CHST3: variants seen among roughly 807,000 people sequenced by gnomAD.
The protein encoded by CHST3 is carbohydrate sulfotransferase 3, also known as C6ST-1.
Under a neutral mutation model 35.4 loss-of-function variants are expected in CHST3, and 20 were observed. That is an observed-to-expected ratio of 0.57 (90% CI 0.40 to 0.82). The LOEUF (loss-of-function observed/expected upper bound fraction) is 0.82, where lower values mean the gene tolerates loss of function less well. Ranked by LOEUF, CHST3 falls within the 40% of genes least tolerant of loss-of-function variation. The pLI, the probability that CHST3 is intolerant of heterozygous loss-of-function variation, is 0.00. For synonymous variants in CHST3, 334 were observed against 295.9 expected (o/e 1.13, Z -1.32); for missense variants, 693 against 670.1 (o/e 1.03, Z -0.38).
chr10:71,971,690 G>A (rs140562310), intron 1 of CHST3, among the ~76,000 whole-genome samples: 189 of 152,278 alleles, frequency 1.2e-3, no homozygotes, highest in Middle Eastern at 6.8e-3. Flanking sequence ...CCCCGTCCCC[G>A]CACTGTGACT....
intron 1 of CHST3, among the ~76,000 whole-genome samples, chr10:71,973,210 G>A (rs961778275): frequency 1.3e-5 from 2 of 152,174 alleles, no homozygotes; most frequent in East Asian, 3.9e-4. Flanking sequence ...GTGGGACCCC[G>A]GCACATGGCC....
intron 1 of CHST3, among the ~76,000 whole-genome samples, chr10:71,994,279 A>T (rs1194078810): frequency 2.6e-5 from 4 of 152,114 alleles, no homozygotes; most frequent in African/African-American, 4.8e-5. Context: ...AAAAAAAAAA[A>T]AATTAATTAA....
At chr10:71,980,105 A>C (rs749565854) in intron 1 of CHST3, among the ~76,000 whole-genome samples, 64 of 152,238 alleles carry the variant, frequency 4.2e-4, no homozygotes, top group Non-Finnish European at 8.8e-4. Context: ...GACAAATTAC[A>C]GAAAAGGAGC....
chr10:71,968,074 G>C (rs1003857293), intron 1 of CHST3, among the ~76,000 whole-genome samples: 1 of 150,178 alleles, frequency 6.7e-6, no homozygotes, highest in African/African-American at 2.4e-5. Flanking sequence ...CCTCAGCCCC[G>C]CAAAATGCTG....
intron 2 of CHST3, among the ~76,000 whole-genome samples, chr10:72,006,754 C>T (rs1202957484): frequency 6.6e-6 from 1 of 152,188 alleles, no homozygotes. Flanking sequence ...GTCAATCCCC[C>T]CCCTTGGGTC....
At chr10:71,966,618 G>C (rs1351023212) in intron 1 of CHST3, among the ~76,000 whole-genome samples, 1 of 152,208 alleles carries the variant, frequency 6.6e-6, no homozygotes, top group Non-Finnish European at 1.5e-5. Context: ...TGAAAGAGGA[G>C]GTGATCTGGG....
Position 72,007,735 on chromosome 10 carries a change from C to A in CHST3, c.704C>A (p.Thr235Lys). Residue 235 changes from threonine to lysine, a missense_variant, in exon 3 of 3, where the codon ACG (threonine) becomes AAG (lysine). Physicochemically the swap from Thr to Lys is moderately conservative, Grantham distance 78. Coordinates refer to ENST00000373115, the MANE Select transcript of CHST3 (RefSeq NM_004273.5). ...TCCCTGTGCGAGGACCCCGTCTGTA[C>A]GCCCTTCGTCAAGAAGGTCTTCGAG... ...SRSLCEDPVC[T>K]PFVKKVFEKY... 1 of 1,603,476 alleles carries A rather than the reference C, an allele frequency of 6.2e-7. No individual in the cohort carries two copies.
chr10:71,991,826 C>T (rs937066274), intron 1 of CHST3, among the ~76,000 whole-genome samples: 1 of 151,766 alleles, frequency 6.6e-6, no homozygotes, highest in Non-Finnish European at 1.5e-5. Flanking sequence ...CCCAGCTACT[C>T]GGGAGGCTGA....
In CHST3 at chr10:72,011,063, C is replaced by T. The variant is rs886047176; in HGVS notation, c.*2592C>T. On this transcript the variant is annotated 3_prime_UTR_variant, in exon 3 of 3. Coordinates refer to ENST00000373115, the MANE Select transcript of CHST3 (RefSeq NM_004273.5). ...GAAGAGACAGAAAATACCTTATTAT[C>T]TGCAGGGACTCAAAGCTGTACCCAA... 1 of 152,240 alleles carries T rather than the reference C, an allele frequency of 6.6e-6. No homozygotes were observed. Among genetic ancestry groups the T allele is most frequent in the Admixed American group, 6.5e-5 (1 of 15,280 alleles). 9.4% of individuals were successfully genotyped at this position (152,240 alleles called of 1,614,324 possible). A position where few individuals can be genotyped will look rare whatever the true frequency, so the allele number is the denominator to read the frequency against.
At chr10:71,984,092 A>T (rs1209024786) in intron 1 of CHST3, among the ~76,000 whole-genome samples, 1 of 152,048 alleles carries the variant, frequency 6.6e-6, no homozygotes, top group Non-Finnish European at 1.5e-5. Context: ...GCGCAATCTC[A>T]GCTCACTACA....
chr10:71,985,378 T>C (rs1021807201), intron 1 of CHST3, among the ~76,000 whole-genome samples: 1 of 152,212 alleles, frequency 6.6e-6, no homozygotes, highest in Non-Finnish European at 1.5e-5. Flanking sequence ...TCCAGGATCC[T>C]GTCCCCTGTT....
At chr10:71,968,661 T>C (rs41448348) in intron 1 of CHST3, among the ~76,000 whole-genome samples, 2,476 of 152,270 alleles carry the variant, frequency 0.016, 68 homozygotes, top group African/African-American at 0.056. Flanking sequence ...CTTACTAACG[T>C]GGTCCCAGGG....
At chr10:71,981,424 G>C (rs548491366) in intron 1 of CHST3, among the ~76,000 whole-genome samples, 4 of 152,226 alleles carry the variant, frequency 2.6e-5, no homozygotes, top group South Asian at 4.1e-4. Context: ...GCAGCTTTGC[G>C]AGGGAGGGGA....
At chr10:72,000,981 C>T (rs916620104) in intron 1 of CHST3, among the ~76,000 whole-genome samples, 4 of 151,950 alleles carry the variant, frequency 2.6e-5, no homozygotes, top group Non-Finnish European at 4.4e-5. Context: ...AGATTGTGGA[C>T]GCCGTCGGGA....
In CHST3 at chr10:72,006,889, C is replaced by T. The variant is rs369110296; in HGVS notation, c.141-283C>T. On this transcript the variant is annotated intron_variant, in intron 2 of 2. Coordinates refer to ENST00000373115, the MANE Select transcript of CHST3 (RefSeq NM_004273.5). ...CCGGAAGTACTAGGGAGTAACTGTCCCCCCCAGATCCCCATCAGACTAAGC... is the reference window on the plus strand; with the variant it reads ...CCGGAAGTACTAGGGAGTAACTGTCTCCCCCAGATCCCCATCAGACTAAGC... Among the ~76,000 whole-genome samples the T allele has an allele frequency of 1.1e-3, 163 of 152,294 alleles. 1 individual carries two copies. Among genetic ancestry groups the T allele is most frequent in the African/African-American group, 3.6e-3 (149 of 41,572 alleles).
At chr10:72,003,531 C>T (rs976398338) in intron 1 of CHST3, among the ~76,000 whole-genome samples, 1 of 152,052 alleles carries the variant, frequency 6.6e-6, no homozygotes, top group African/African-American at 2.4e-5. Flanking sequence ...GAAACCCCAT[C>T]TCTACCAAAA....
At chr10:71,983,190 TCTC>T (rs1448618074) in intron 1 of CHST3, among the ~76,000 whole-genome samples, 3 of 152,176 alleles carry the variant, frequency 2.0e-5, no homozygotes, top group Admixed American at 2.0e-4. Flanking sequence ...CACTGTCTGG[TCTC>T]CTCTGCCATA....
intron 1 of CHST3, among the ~76,000 whole-genome samples, chr10:71,980,097 C>T (rs1349865582): frequency 6.6e-6 from 1 of 152,220 alleles, no homozygotes; most frequent in African/African-American, 2.4e-5. Context: ...CCCATTCAGA[C>T]AAATTACAGA....
chr10:71,999,066 C>T (rs933843865), intron 1 of CHST3, among the ~76,000 whole-genome samples: 1 of 152,252 alleles, frequency 6.6e-6, no homozygotes, highest in Non-Finnish European at 1.5e-5. Context: ...CCTTGGCCTT[C>T]CCAAGCTGTC....
Sources: allele counts gnomAD v4.1 joint callset (sites outside exome capture counted in the v4.1 genomes callset), GRCh38; gene constraint gnomAD v4.1.1; transcripts MANE v1.5; gene names NCBI Gene and HGNC (gene_info 2026-07-23, HGNC 2026-07-21).